Variants in HARS1 observed in about 807,000 individuals in gnomAD.
HARS1 encodes the protein histidyl-tRNA synthetase 1.
HARS1 carries 45 observed loss-of-function variants against 63.6 expected under a neutral mutation model. The ratio of observed to expected loss-of-function variants is 0.71; its 90% CI spans 0.56 to 0.91. HARS1 has a LOEUF of 0.91. HARS1 is among the 40% of genes least tolerant of loss of function. HARS1 has a pLI of 0.00. For synonymous variants in HARS1, 205 were observed against 247.1 expected (o/e 0.83, Z 1.60); for missense variants, 508 against 643.2 (o/e 0.79, Z 2.27).
rs1581506337 is a variant in HARS1, at chr5:140,677,639, G to A, written c.729+16C>T. On this transcript the variant is annotated intron_variant, in intron 7 of 12. Transcript: ENST00000504156. ...GGTGGGATCTGGGAAAAGAAGTCAA[G>A]TACTTGGGTTGTTACCTTGTCCAGC... The A allele has an allele frequency of 6.4e-7, 1 of 1,552,858 alleles. No individual in the cohort carries two copies. Among genetic ancestry groups the A allele is most frequent in the Non-Finnish European group, 8.9e-7 (1 of 1,124,622 alleles).
At chr5:140,674,393 G>T in intron 12 of HARS1, 65 bp from the exon 13 acceptor site, 1 of 1,135,520 alleles carries the variant, frequency 8.8e-7, no homozygotes, top group Non-Finnish European at 1.3e-6. Flanking sequence ...CGAGTGCCTA[G>T]TTTCCTCTAG....
Position 140,677,339 on chromosome 5 carries a change from C to T in HARS1, c.811G>A (p.Val271Ile), listed in dbSNP as rs149018062. 17 of 1,611,284 alleles carry T rather than the reference C, an allele frequency of 1.1e-5. No homozygotes were observed. The highest frequency in any genetic ancestry group is 1.4e-5 in the Non-Finnish European group (16 of 1,177,676). The stretch of plus-strand genomic sequence containing the variant: ...TTCTGTTCCTCACCATGTTGCTGGA[C>T]ATAGTCCCCAATGCGGTCAGCCACC... ...PEVADRIGDY[V>I]QQHGGVSLVE... The change falls in exon 8 of 13, where the codon GTC (valine) becomes ATC (isoleucine). Residue 271 changes from valine to isoleucine, a missense_variant. By Grantham distance (29) the Val-to-Ile change is conservative. Around this residue, in one of 2 missense-constraint regions of HARS1, gnomAD observed 403 missense variants for 548.7 expected, o/e 0.73. Transcript: ENST00000504156.
chr5:140,683,956 C>G (rs1302984900), intron 2 of HARS1: 4 of 152,454 alleles, frequency 2.6e-5, no homozygotes, highest in Non-Finnish European at 4.4e-5. Flanking sequence ...CCACTGCACT[C>G]CAGACTGAGA....
intron 10 of HARS1, 101 bp from the exon 11 acceptor site, chr5:140,675,234 A>G: frequency 1.3e-6 from 1 of 774,028 alleles, no homozygotes; most frequent in South Asian, 1.5e-5. Flanking sequence ...ACTCAGCTCT[A>G]CCAGGGCAGG....
rs141220649 is a variant in HARS1, at chr5:140,683,387, T to C, written c.181-168A>G. ...AAAACAAGTACAAATAATTCCCTAT[T>C]AATTCCCACACCCATTTGCTATCTG... On this transcript the variant is annotated intron_variant, in intron 2 of 12. Coordinates refer to ENST00000504156, the MANE Select transcript of HARS1 (RefSeq NM_002109.6). Among the ~76,000 whole-genome samples, 63 of 152,370 alleles carry C rather than the reference T, an allele frequency of 4.1e-4. No individual in the cohort carries two copies. The East Asian group carries it at 0.012, about 29-fold the overall frequency.
At chr5:140,677,571 C>T (rs745650672) in intron 7 of HARS1, 84 bp downstream of exon 7, 162 of 1,082,642 alleles carry the variant, frequency 1.5e-4, no homozygotes, top group Non-Finnish European at 2.2e-4. Context: ...TAGAGGCATG[C>T]ACCTCTCTCT....
chr5:140,674,253 C>A lies in HARS1; in HGVS notation c.*4G>T, dbSNP rs1026520403. The A allele has an allele frequency of 1.3e-6, 2 of 1,582,964 alleles. No individual in the cohort carries two copies. Among genetic ancestry groups the A allele is most frequent in the Non-Finnish European group, 1.7e-6 (2 of 1,151,612 alleles). On this transcript the variant is annotated 3_prime_UTR_variant, in exon 13 of 13. Coordinates refer to ENST00000504156, the MANE Select transcript of HARS1 (RefSeq NM_002109.6). ...ACTTCCTTTCCTCTGATAGTTTGTT[C>A]AGTTCAGCAGATGCAGAGGGGCTGG...
In HARS1 at chr5:140,683,089, C is replaced by T; in HGVS notation, c.300+11G>A. 6.2e-7 allele frequency: 1 copy of T among 1,611,554 alleles called. No individual in the cohort carries two copies. Among genetic ancestry groups the T allele is most frequent in the Non-Finnish European group, 8.5e-7 (1 of 1,178,148 alleles). On this transcript the variant is annotated intron_variant, in intron 3 of 12. Coordinates refer to ENST00000504156, the MANE Select transcript of HARS1 (RefSeq NM_002109.6). Reference sequence around the variant, plus strand: ...CATCTACCATGTAGTTTCTTCTTGCCCATTCCTCACCTTTAGTTCAAATAC... The same window carrying T: ...CATCTACCATGTAGTTTCTTCTTGCTCATTCCTCACCTTTAGTTCAAATAC...
chr5:140,679,543 C>G lies in HARS1; in HGVS notation c.396+245G>C, dbSNP rs939403861. ...AGGGCAGGGGAGAGGTATTCTGGAG[C>G]CAGGGGATGACTGTAGAGTTGGAAC... On this transcript the variant is annotated intron_variant, in intron 4 of 12. Coordinates refer to ENST00000504156, the MANE Select transcript of HARS1 (RefSeq NM_002109.6). The surrounding 1 kb of genome is among the most constrained non-coding windows in gnomAD (Gnocchi z 4.3). The G allele has an allele frequency of 1.9e-5, 9 of 463,966 alleles. No individual in the cohort carries two copies. Among genetic ancestry groups the G allele is most frequent in the African/African-American group, 4.0e-5 (2 of 49,618 alleles). 28.7% of individuals were successfully genotyped at this position (463,966 alleles called of 1,614,324 possible).
Position 140,691,318 on chromosome 5 carries a change from T to G in HARS1, c.-14A>C, listed in dbSNP as rs1271240731. On this transcript the variant is annotated 5_prime_UTR_variant, in exon 1 of 13. Coordinates refer to ENST00000504156, the MANE Select transcript of HARS1 (RefSeq NM_002109.6). The stretch of plus-strand genomic sequence containing the variant: ...ACGCTCTGCCATCCCGGCTGTCCAC[T>G]TGAGCCGCCTGCTGTCTCGACCTGC... The G allele has an allele frequency of 6.3e-7, 1 of 1,593,180 alleles. No individual in the cohort carries two copies. The highest frequency in any genetic ancestry group is 1.7e-5 in the Admixed American group (1 of 58,494).
At position 140,679,999 on chromosome 5, in the gene HARS1, C is replaced by A; in HGVS notation, c.301-116G>T. 1 of 563,308 alleles carries A rather than the reference C, an allele frequency of 1.8e-6. No homozygotes were observed. The highest frequency in any genetic ancestry group is 3.2e-6 in the Non-Finnish European group (1 of 317,230). The allele number at this position is 563,308 out of a possible 1,614,324, so 34.9% of individuals were successfully genotyped here. A position where few individuals can be genotyped will look rare whatever the true frequency, so the allele number is the denominator to read the frequency against. On this transcript the variant is annotated intron_variant, in intron 3 of 12. Coordinates refer to ENST00000504156, the MANE Select transcript of HARS1 (RefSeq NM_002109.6). The surrounding 1 kb of genome is among the most constrained non-coding windows in gnomAD (Gnocchi z 4.3). Reference sequence around the variant, plus strand: ...TCTACATTTCCCTCTGCTCTTTATCCCAATTCTTAGGTGTCTGATGTAGTT... The same window carrying A: ...TCTACATTTCCCTCTGCTCTTTATCACAATTCTTAGGTGTCTGATGTAGTT...
intron 3 of HARS1, 34 bp downstream of exon 3, chr5:140,683,066 T>C (rs1165847256): frequency 1.1e-5 from 17 of 1,601,492 alleles, no homozygotes; most frequent in East Asian, 2.2e-5. Flanking sequence ...TGCCCACTCA[T>C]CTACCATGTA....
At position 140,679,431 on chromosome 5, in the gene HARS1, G is replaced by A. The variant is rs1437639718; in HGVS notation, c.397-304C>T. On this transcript the variant is annotated intron_variant, in intron 4 of 12. Transcript: ENST00000504156. The surrounding 1 kb of genome is among the most constrained non-coding windows in gnomAD (Gnocchi z 4.3). Reference sequence around the variant, plus strand: ...GCGACCAGAAAAAGGCCCCCATATGGGATTTCTAAGCAGATGATTCTCTGT... The same window carrying A: ...GCGACCAGAAAAAGGCCCCCATATGAGATTTCTAAGCAGATGATTCTCTGT... The A allele has an allele frequency of 4.9e-6, 2 of 408,450 alleles. No homozygotes were observed. The highest frequency in any genetic ancestry group is 8.7e-6 in the Non-Finnish European group (2 of 229,184). The allele number at this position is 408,450 out of a possible 1,614,324, so 25.3% of individuals were successfully genotyped here. A position where few individuals can be genotyped will look rare whatever the true frequency, so the allele number is the denominator to read the frequency against.
chr5:140,674,219 G>A lies in HARS1; in HGVS notation c.*38C>T. The A allele has an allele frequency of 7.8e-7, 1 of 1,284,942 alleles. No homozygotes were observed. The highest frequency in any genetic ancestry group is 1.5e-5 in the African/African-American group (1 of 68,918). 79.6% of individuals were successfully genotyped at this position (1,284,942 alleles called of 1,614,324 possible). A position where few individuals can be genotyped will look rare whatever the true frequency, so the allele number is the denominator to read the frequency against. ...GCAGTTTGTCTTAACCTCAAATAGTGCCAGTCCCACTTCCTTTCCTCTGAT... is the reference window on the plus strand; with the variant it reads ...GCAGTTTGTCTTAACCTCAAATAGTACCAGTCCCACTTCCTTTCCTCTGAT... On this transcript the variant is annotated 3_prime_UTR_variant, in exon 13 of 13. Transcript: ENST00000504156.
At position 140,674,143 on chromosome 5, in the gene HARS1, C is replaced by T. The variant is rs1053824077; in HGVS notation, c.*114G>A. ...AATCAAAGGCTCTGTTCTGACCACT[C>T]TTCAGGTCTTCCGCTGAAACGGAAA... On this transcript the variant is annotated 3_prime_UTR_variant, in exon 13 of 13. Transcript: ENST00000504156. 8 of 771,930 alleles carry T rather than the reference C, an allele frequency of 1.0e-5. No homozygotes were observed. The highest frequency in any genetic ancestry group is 5.1e-5 in the African/African-American group (3 of 59,128). 47.8% of individuals were successfully genotyped at this position (771,930 alleles called of 1,614,324 possible).
Position 140,676,737 on chromosome 5 carries a change from C to T in HARS1, c.1111G>A (p.Asp371Asn), listed in dbSNP as rs753104645. ...CATGGCACCTTGCGCCCTTTGGGGT[C>T]GAACATGCCCACTAGCCCATCATAG... Reference protein sequence around the residue: ...GRYDGLVGMFDPKGRKVPCVG... With the variant: ...GRYDGLVGMFNPKGRKVPCVG... The change falls in exon 10 of 13, where the codon GAC becomes AAC. Residue 371 changes from aspartate (D) to asparagine (N), a missense_variant. Asp to Asn is a conservative substitution (Grantham distance 23, BLOSUM62 1). Transcript: ENST00000504156. The surrounding 1 kb of genome is among the most constrained non-coding windows in gnomAD (Gnocchi z 4.1). 5.6e-6 allele frequency: 9 copies of T among 1,614,220 alleles called. No homozygotes were observed. Among genetic ancestry groups the T allele is most frequent in the Admixed American group, 1.7e-5 (1 of 60,022 alleles).
chr5:140,677,203 A>G (rs866041227), intron 8 of HARS1, 87 bp from the exon 9 acceptor site: 1 of 1,482,564 alleles, frequency 6.7e-7, no homozygotes, highest in Middle Eastern at 1.7e-4. Context: ...CTAGTCGCCC[A>G]TGCATGTGTG....
intron 2 of HARS1, among the ~76,000 whole-genome samples, chr5:140,689,283 G>A (rs1371706858): frequency 4.6e-5 from 7 of 152,072 alleles, no homozygotes; most frequent in Admixed American, 2.0e-4. Flanking sequence ...GGCCCCATGT[G>A]AATACCAAAA....
rs1371763515 is a variant in HARS1 at position 140,676,803 on chromosome 5, C to T, written c.1045G>A (p.Glu349Lys). 3 of 1,614,284 alleles carry T rather than the reference C, an allele frequency of 1.9e-6. No individual in the cohort carries two copies. The highest frequency in any genetic ancestry group is 1.3e-5 in the African/African-American group (1 of 75,078). ...VLLQTPAQAG[E>K]EPLGVGSVAA... is the part of the protein sequence containing the mutation. ...ACACTGCCCACACCCAGGGGCTCTT[C>T]CCCTGCCTGGGCTGGGGTCTGTAGC... Residue 349 changes from glutamate (E) to lysine (K), a missense_variant, in exon 10 of 13, where the codon GAA (glutamate) becomes AAA (lysine). By Grantham distance (56) the Glu-to-Lys change is moderately conservative. Coordinates refer to ENST00000504156, the MANE Select transcript of HARS1 (RefSeq NM_002109.6). This position sits in a 1 kb window ranked among gnomAD's most constrained non-coding sequence, Gnocchi z 4.1.
Sources: gnomAD v4.1 joint callset for allele counts (sites outside exome capture counted in the v4.1 genomes callset) on GRCh38, gnomAD v4.1.1 for gene constraint, gnomAD v4.1.1 regional missense constraint, Gnocchi (gnomAD v3.1) non-coding constraint, MANE v1.5 for transcripts, NCBI Gene and HGNC (gene_info 2026-07-23, HGNC 2026-07-21) for gene names.